The following RAB3C variants were observed in gnomAD, a reference collection of about 807,000 sequenced individuals.
The protein encoded by RAB3C is RAB3C, member RAS oncogene family.
RAB3C carries 17 observed loss-of-function variants against 26.4 expected under a neutral mutation model. The ratio of observed to expected loss-of-function variants is 0.64; its 90% confidence interval spans 0.44 to 0.97. The LOEUF (loss-of-function observed/expected upper bound fraction) is 0.97. Among genes scored for constraint, RAB3C ranks in the 50% least tolerant of loss-of-function variants. RAB3C has a pLI of 0.00. For synonymous variants in RAB3C, 91 were observed against 95.9 expected, an observed-to-expected ratio of 0.95 and a Z score of 0.30; for missense variants, 242 against 281.9, an observed-to-expected ratio of 0.86 and a Z score of 1.01.
chr5:58,619,764 GT>G (rs1746896111), intron 2 of RAB3C, among the ~76,000 whole-genome samples: 1 of 151,996 alleles, frequency 6.6e-6, no homozygotes, highest in African/African-American at 2.4e-5. Flanking sequence ...TATCTTCAAT[GT>G]AAATCAGATA....
chr5:58,689,508 G>A (rs1197084837), intron 2 of RAB3C, among the ~76,000 whole-genome samples: 2 of 151,958 alleles, frequency 1.3e-5, no homozygotes, highest in Non-Finnish European at 2.9e-5. Flanking sequence ...TACTGTAGAT[G>A]TTTTGTTGAA....
intron 3 of RAB3C, among the ~76,000 whole-genome samples, chr5:58,735,343 T>A (rs1579887912): frequency 6.6e-6 from 1 of 152,198 alleles, no homozygotes; most frequent in African/African-American, 2.4e-5. Flanking sequence ...CATGAAAGCA[T>A]CATGGGTGTT....
At chr5:58,622,718 TTTTAAAA>T (rs1746963300) in intron 2 of RAB3C, among the ~76,000 whole-genome samples, 1 of 152,218 alleles carries the variant, frequency 6.6e-6, no homozygotes, top group African/African-American at 2.4e-5. Flanking sequence ...TTTCCATGCA[TTTTAAAA>T]TTTATTTTTT....
intron 3 of RAB3C, among the ~76,000 whole-genome samples, chr5:58,813,664 G>C (rs1743147424): frequency 7.0e-6 from 1 of 143,572 alleles, no homozygotes; most frequent in Non-Finnish European, 1.5e-5. Flanking sequence ...ACATATGGTA[G>C]AACCACAGCT....
At chr5:58,688,621 G>A (rs1415169269) in intron 2 of RAB3C, among the ~76,000 whole-genome samples, 3 of 152,006 alleles carry the variant, frequency 2.0e-5, no homozygotes, top group South Asian at 2.1e-4. Flanking sequence ...TCAGGCCATA[G>A]GTTCTACAGA....
chr5:58,599,856 A>C (rs1746412478), intron 1 of RAB3C, among the ~76,000 whole-genome samples: 2 of 152,090 alleles, frequency 1.3e-5, no homozygotes. Flanking sequence ...TAGTTTAATT[A>C]GGTCCCAGCT....
intron 3 of RAB3C, among the ~76,000 whole-genome samples, chr5:58,803,782 C>T (rs1278935386): frequency 2.6e-5 from 4 of 152,138 alleles, no homozygotes; most frequent in Non-Finnish European, 5.9e-5. Flanking sequence ...AATTCTTGGC[C>T]GGGCACAGTG....
intron 3 of RAB3C, among the ~76,000 whole-genome samples, chr5:58,798,092 GC>G (rs57808151): frequency 0.5 from 75,129 of 151,102 alleles, 20,061 homozygotes; most frequent in South Asian, 0.61. Flanking sequence ...AACATACTTG[GC>G]GGGGGGGCCT....
rs143590325 is a variant in RAB3C at position 58,604,692 on chromosome 5, G to A, written c.25-12951G>A. 8.8e-3 allele frequency among the ~76,000 whole-genome samples: 1,335 copies of A among 152,290 alleles called. 23 individuals are homozygous for A. Among genetic ancestry groups the A allele is most frequent in the African/African-American group, 0.03 (1,255 of 41,548 alleles). Reference sequence around the variant, plus strand: ...AGCCCCAATTCTGTTTCCAGGTGGAGGGCAAGATGGGCTTGAAAACTTGCC... The same window carrying A: ...AGCCCCAATTCTGTTTCCAGGTGGAAGGCAAGATGGGCTTGAAAACTTGCC... On this transcript the variant is annotated intron_variant, in intron 1 of 4. Transcript: ENST00000282878.
chr5:58,801,782 C>T (rs766439803), intron 3 of RAB3C, among the ~76,000 whole-genome samples: 4 of 152,232 alleles, frequency 2.6e-5, no homozygotes, highest in Non-Finnish European at 2.9e-5. Context: ...ACCACTTTGT[C>T]AGCAACCAGC....
intron 2 of RAB3C, among the ~76,000 whole-genome samples, chr5:58,655,888 C>T (rs1000876248): frequency 1.5e-4 from 22 of 151,172 alleles, no homozygotes; most frequent in African/African-American, 5.4e-4. Context: ...CTCCGCCTCC[C>T]GGGTTCACGC....
chr5:58,835,575 T>C (rs1410079120), intron 4 of RAB3C, among the ~76,000 whole-genome samples: 2 of 152,228 alleles, frequency 1.3e-5, no homozygotes, highest in Non-Finnish European at 2.9e-5. Flanking sequence ...GGCTCAGAAC[T>C]TCACCTTTGC....
chr5:58,820,734 T>C (rs72762152), intron 3 of RAB3C, among the ~76,000 whole-genome samples: 47 of 152,352 alleles, frequency 3.1e-4, no homozygotes, highest in Admixed American at 9.1e-4. Context: ...TGAGGTTACA[T>C]TGAAATATTT....
At chr5:58,850,667 T>C (rs932758253) in intron 4 of RAB3C, among the ~76,000 whole-genome samples, 22 of 152,072 alleles carry the variant, frequency 1.4e-4, no homozygotes, top group Non-Finnish European at 3.1e-4. Context: ...ATTTAAAAAA[T>C]TGAAATTAAA....
At chr5:58,745,376 G>A (rs1741377427) in intron 3 of RAB3C, among the ~76,000 whole-genome samples, 1 of 127,122 alleles carries the variant, frequency 7.9e-6, no homozygotes, top group African/African-American at 3.1e-5. Context: ...AGCCTGGGCT[G>A]AGCGAGACTC....
At chr5:58,629,643 A>G (rs1561272403) in intron 2 of RAB3C, among the ~76,000 whole-genome samples, 1 of 152,138 alleles carries the variant, frequency 6.6e-6, no homozygotes, top group African/African-American at 2.4e-5. Flanking sequence ...TTTATAATGG[A>G]AAAAAGGGGA....
chr5:58,613,239 C>T (rs1272133754), intron 1 of RAB3C, among the ~76,000 whole-genome samples: 1 of 152,082 alleles, frequency 6.6e-6, no homozygotes, highest in East Asian at 1.9e-4. Context: ...GAACCAAGGC[C>T]TACCTGGAGC....
chr5:58,702,245 C>T (rs555296159), intron 2 of RAB3C, among the ~76,000 whole-genome samples: 1 of 152,298 alleles, frequency 6.6e-6, no homozygotes, highest in African/African-American at 2.4e-5. Context: ...TTGTAAAATG[C>T]TGTCCGTGAC....
chr5:58,629,055 A>AAAAG (rs149818241), intron 2 of RAB3C, among the ~76,000 whole-genome samples: 1 of 140,558 alleles, frequency 7.1e-6, no homozygotes, highest in South Asian at 2.3e-4. Context: ...AAAAAAAAAA[A>AAAAG]GGTGAAATTT....
Sources: allele counts gnomAD v4.1 joint callset (sites outside exome capture counted in the v4.1 genomes callset), GRCh38; gene constraint gnomAD v4.1.1; transcripts MANE v1.5; gene names NCBI Gene and HGNC (gene_info 2026-07-23, HGNC 2026-07-21).